The following TMEM74 variants were observed in gnomAD, a reference collection of about 807,000 sequenced individuals.
TMEM74 encodes transmembrane protein 74.
TMEM74 carries 13 observed loss-of-function variants against 18.1 expected under a neutral mutation model. The observed-to-expected ratio is 0.72, with a 90% CI of 0.47 to 1.14. The LOEUF (loss-of-function observed/expected upper bound fraction) is 1.14. TMEM74 is among the 50% of genes most tolerant of loss of function. The probability of loss-of-function intolerance (pLI) is 0.00; values close to 1 mark genes in which losing one functional copy is unlikely to be tolerated. For missense variants in TMEM74, 372 were observed against 375.9 expected, an observed-to-expected ratio of 0.99 and a Z score of 0.09; for synonymous variants, 159 against 146.6, an observed-to-expected ratio of 1.08 and a Z score of -0.61.
rs1812922061 is a variant in TMEM74 at position 108,663,655 on chromosome 8, C to G, written n.120-8218G>C. On this transcript the variant is annotated intron_variant and non_coding_transcript_variant, in intron 1 of 3. Transcript: ENST00000518838. ...AATCATTCTATTATAAAGATACATG[C>G]ACGCATATGTTCATTGCAGCACTAT... Among the ~76,000 whole-genome samples the G allele has an allele frequency of 2.0e-5, 3 of 152,098 alleles. No individual in the cohort carries two copies. In the South Asian group the frequency reaches 6.2e-4, roughly 32 times the overall value.
chr8:108,659,007 AC>A (rs1812874159), intron 1 of TMEM74, among the ~76,000 whole-genome samples: 1 of 152,174 alleles, frequency 6.6e-6, no homozygotes, highest in African/African-American at 2.4e-5. Flanking sequence ...TCCACCTGCC[AC>A]TATAGGGCAG....
chr8:108,640,802 G>A (rs2130561565), intron 2 of TMEM74, among the ~76,000 whole-genome samples: 1 of 152,092 alleles, frequency 6.6e-6, no homozygotes, highest in East Asian at 1.9e-4. Flanking sequence ...TTAGCATCAG[G>A]GCCAAGAAAC....
intron 1 of TMEM74, among the ~76,000 whole-genome samples, chr8:108,666,282 A>G (rs544411145): frequency 4.6e-5 from 7 of 152,206 alleles, no homozygotes; most frequent in Non-Finnish European, 1.0e-4. Flanking sequence ...TTAATCTAAT[A>G]GACTTCGTTT....
intron 2 of TMEM74, among the ~76,000 whole-genome samples, chr8:108,636,184 C>G (rs1367836606): frequency 6.6e-6 from 1 of 152,008 alleles, no homozygotes; most frequent in Non-Finnish European, 1.5e-5. Flanking sequence ...GCTGCAGTAA[C>G]AAAAAGTTGC....
chr8:108,701,140 G>A (rs905266740), intron 1 of TMEM74, among the ~76,000 whole-genome samples: 8 of 147,216 alleles, frequency 5.4e-5, no homozygotes, highest in African/African-American at 1.5e-4. Context: ...AAAAAAATAC[G>A]TAATCACAAT....
intron 2 of TMEM74, chr8:108,652,601 G>A (rs1812785578): frequency 3.2e-6 from 2 of 622,420 alleles, no homozygotes; most frequent in East Asian, 2.8e-5. Context: ...CAGAGACACT[G>A]GGAAAAGATA....
chr8:108,763,753 G>T (rs1814071148), intron 1 of TMEM74, among the ~76,000 whole-genome samples: 1 of 152,126 alleles, frequency 6.6e-6, no homozygotes, highest in Non-Finnish European at 1.5e-5. Context: ...TGAATTAAAA[G>T]CATTCTTGAT....
chr8:108,754,886 A>G (rs1813941692), intron 1 of TMEM74, among the ~76,000 whole-genome samples: 1 of 151,912 alleles, frequency 6.6e-6, no homozygotes, highest in Non-Finnish European at 1.5e-5. Context: ...CCAGCTTAGG[A>G]GTAAGGCAGA....
At chr8:108,670,096 T>G (rs1168364324) in intron 1 of TMEM74, among the ~76,000 whole-genome samples, 2 of 152,084 alleles carry the variant, frequency 1.3e-5, no homozygotes, top group Non-Finnish European at 2.9e-5. Context: ...TATATTCATT[T>G]TTTTTCTGTA....
intron 1 of TMEM74, among the ~76,000 whole-genome samples, chr8:108,667,868 A>G (rs1165329135): frequency 6.6e-6 from 1 of 152,142 alleles, no homozygotes; most frequent in Non-Finnish European, 1.5e-5. Flanking sequence ...TAAATGAACG[A>G]AATTGAACGC....
intron 2 of TMEM74, among the ~76,000 whole-genome samples, chr8:108,616,507 T>G (rs961604435): frequency 7.2e-5 from 11 of 152,188 alleles, no homozygotes; most frequent in Non-Finnish European, 1.2e-4. Context: ...TTGGGAGAGA[T>G]TTTTTTAAAT....
At chr8:108,694,862 T>C (rs1813265127) in intron 1 of TMEM74, among the ~76,000 whole-genome samples, 1 of 152,120 alleles carries the variant, frequency 6.6e-6, no homozygotes, top group Non-Finnish European at 1.5e-5. Context: ...GAGAACATAG[T>C]TGTGGAGTGG....
intron 1 of TMEM74, among the ~76,000 whole-genome samples, chr8:108,701,946 G>A (rs929023382): frequency 6.6e-6 from 1 of 151,976 alleles, no homozygotes; most frequent in African/African-American, 2.4e-5. Flanking sequence ...CATAATAAAC[G>A]ACAACATTTT....
chr8:108,695,637 C>T (rs56246103), intron 1 of TMEM74, among the ~76,000 whole-genome samples: 1,945 of 152,228 alleles, frequency 0.013, 24 homozygotes, highest in African/African-American at 0.022. Context: ...CATTACAAAG[C>T]CCATGCCCTA....
chr8:108,684,152 A>C (rs905947193), intron 1 of TMEM74, among the ~76,000 whole-genome samples: 1 of 152,074 alleles, frequency 6.6e-6, no homozygotes, highest in Non-Finnish European at 1.5e-5. Context: ...TGGTAGTCCC[A>C]ATTGTAGTTT....
chr8:108,774,169 G>T (rs926345139), downstream of TMEM74, among the ~76,000 whole-genome samples: 1 of 152,150 alleles, frequency 6.6e-6, no homozygotes, highest in Non-Finnish European at 1.5e-5. Flanking sequence ...ACTATAAGCA[G>T]GTCATACCTT....
At chr8:108,674,532 C>G (rs1813034196) in intron 1 of TMEM74, among the ~76,000 whole-genome samples, 1 of 152,208 alleles carries the variant, frequency 6.6e-6, no homozygotes, top group African/African-American at 2.4e-5. Context: ...GCCAGTAAGT[C>G]TGAAGATTCA....
chr8:108,698,674 T>C (rs1248188116), intron 1 of TMEM74, among the ~76,000 whole-genome samples: 1 of 152,182 alleles, frequency 6.6e-6, no homozygotes, highest in Non-Finnish European at 1.5e-5. Context: ...TTCATGACTG[T>C]AGGAGTTCAG....
intron 1 of TMEM74, among the ~76,000 whole-genome samples, chr8:108,690,735 T>A: frequency 6.6e-6 from 1 of 152,042 alleles, no homozygotes; most frequent in East Asian, 1.9e-4. Context: ...GGCAGGAGAA[T>A]GGCTGAACCC....
Sources: gnomAD v4.1 joint callset for allele counts (sites outside exome capture counted in the v4.1 genomes callset) on GRCh38, gnomAD v4.1.1 for gene constraint, MANE v1.5 for transcripts, NCBI Gene and HGNC (gene_info 2026-07-23, HGNC 2026-07-21) for gene names.